Variants in RMND1 observed in about 807,000 individuals in gnomAD.
The protein encoded by RMND1 is required for meiotic nuclear division 1 homolog.
A neutral mutation model predicts 54.0 loss-of-function variants in RMND1; 41 were observed. That is an observed-to-expected ratio of 0.76 (90% CI 0.59 to 0.98). RMND1 has a LOEUF of 0.98. Among genes scored for constraint, RMND1 ranks in the 50% least tolerant of loss-of-function variants. The probability of loss-of-function intolerance (pLI) is 0.00; values close to 1 mark genes in which losing one functional copy is unlikely to be tolerated. For missense variants in RMND1, 457 were observed against 532.0 expected, an observed-to-expected ratio of 0.86 and a Z score of 1.39; for synonymous variants, 183 against 181.7, an observed-to-expected ratio of 1.01 and a Z score of -0.06.
intron 9 of RMND1, among the ~76,000 whole-genome samples, chr6:151,418,057 C>T (rs1780056962): frequency 6.6e-6 from 1 of 152,132 alleles, no homozygotes; most frequent in African/African-American, 2.4e-5. Flanking sequence ...CTGCCTACCT[C>T]AGCCTCCCAA....
chr6:151,408,484 T>C (rs146707463), intron 10 of RMND1, among the ~76,000 whole-genome samples: 3 of 152,178 alleles, frequency 2.0e-5, no homozygotes, highest in Non-Finnish European at 4.4e-5. Flanking sequence ...AAGAAGTTAG[T>C]ACCAGATTGT....
At chr6:151,436,328 A>T (rs564927191) in intron 3 of RMND1, 118 bp downstream of exon 3, 2 of 1,154,846 alleles carry the variant, frequency 1.7e-6, no homozygotes, top group South Asian at 3.0e-5. Context: ...ATCCACTTTT[A>T]TGATACAATC....
At chr6:151,423,709 A>T in intron 6 of RMND1, 78 bp from the exon 7 acceptor site, 1 of 945,120 alleles carries the variant, frequency 1.1e-6, no homozygotes, top group South Asian at 1.3e-5. Context: ...ACACCATATC[A>T]TCTTTCTGGA....
At chr6:151,436,999 C>A (rs1300790396) in intron 2 of RMND1, among the ~76,000 whole-genome samples, 1 of 152,186 alleles carries the variant, frequency 6.6e-6, no homozygotes, top group Non-Finnish European at 1.5e-5. Flanking sequence ...CAGGCAGATT[C>A]CTTTAAATCC....
intron 10 of RMND1, chr6:151,413,934 A>G (rs1234844328): frequency 6.6e-6 from 1 of 152,282 alleles, no homozygotes; most frequent in African/African-American, 2.4e-5. Context: ...TGCCAAGATC[A>G]GTGACAACTG....
At chr6:151,407,666 G>A (rs1290684654) in intron 10 of RMND1, among the ~76,000 whole-genome samples, 1 of 152,056 alleles carries the variant, frequency 6.6e-6, no homozygotes, top group African/African-American at 2.4e-5. Flanking sequence ...ACAACACTTC[G>A]GGAGGCTGGG....
Position 151,410,124 on chromosome 6 carries a change from C to A in RMND1, c.1201-4288G>T, listed in dbSNP as rs189389430. ...GGCTGGACTGCAGTGGCACAATCTCCGCTCACTGCAAGCTCTCCCTCCCGG... is the reference window on the plus strand; with the variant it reads ...GGCTGGACTGCAGTGGCACAATCTCAGCTCACTGCAAGCTCTCCCTCCCGG... On this transcript the variant is annotated intron_variant, in intron 10 of 11. Coordinates refer to ENST00000444024, the MANE Select transcript of RMND1 (RefSeq NM_017909.4). 6.6e-5 allele frequency among the ~76,000 whole-genome samples: 10 copies of A among 151,602 alleles called. No individual in the cohort carries two copies. In the South Asian group the frequency reaches 2.1e-3, roughly 32 times the overall value.
intron 2 of RMND1, among the ~76,000 whole-genome samples, chr6:151,442,815 T>C (rs1200497697): frequency 6.6e-6 from 1 of 151,702 alleles, no homozygotes; most frequent in East Asian, 2.0e-4. Context: ...ACTGAAATTA[T>C]AGGCATAAGC....
intron 2 of RMND1, among the ~76,000 whole-genome samples, chr6:151,439,496 T>A (rs564053875): frequency 6.6e-5 from 10 of 152,174 alleles, no homozygotes; most frequent in Non-Finnish European, 1.3e-4. Context: ...ACAAAATTAC[T>A]CCTAACCAAC....
chr6:151,432,831 G>A (rs1186441536), intron 4 of RMND1, among the ~76,000 whole-genome samples: 3 of 152,098 alleles, frequency 2.0e-5, no homozygotes, highest in African/African-American at 4.8e-5. Flanking sequence ...TGGGGCAGGA[G>A]TCTGACAAGG....
intron 5 of RMND1, among the ~76,000 whole-genome samples, chr6:151,428,803 C>T (rs143596304): frequency 3.9e-5 from 6 of 152,084 alleles, no homozygotes; most frequent in Admixed American, 2.0e-4. Context: ...CAAAGTGATA[C>T]GATTACAGGT....
At position 151,414,344 on chromosome 6, in the gene RMND1, T is replaced by C. The variant is rs906698486; in HGVS notation, c.1200+2935A>G. ...TGAATGTGGGGATTGGTAGGAAATA[T>C]GATTGAAAAACAGAAACAATAGGAA... On this transcript the variant is annotated intron_variant, in intron 10 of 11. Transcript: ENST00000444024. Among the ~76,000 whole-genome samples, 3 of 152,172 alleles carry C rather than the reference T, an allele frequency of 2.0e-5. No homozygotes were observed. The South Asian group carries it at 6.2e-4, about 31-fold the overall frequency.
At chr6:151,407,293 T>C (rs991690558) in intron 10 of RMND1, among the ~76,000 whole-genome samples, 1 of 152,054 alleles carries the variant, frequency 6.6e-6, no homozygotes, top group Non-Finnish European at 1.5e-5. Flanking sequence ...CTCTTCCCTC[T>C]TCCTTTCCCC....
intron 11 of RMND1, 128 bp downstream of exon 11, chr6:151,405,588 AGAGT>A (rs1779585772): frequency 1.1e-5 from 7 of 621,520 alleles, no homozygotes; most frequent in Admixed American, 2.8e-5. Context: ...ACTTCCAAAT[AGAGT>A]TAGTAATGAT....
intron 2 of RMND1, among the ~76,000 whole-genome samples, chr6:151,443,748 C>T (rs1780861111): frequency 6.6e-6 from 1 of 152,162 alleles, no homozygotes; most frequent in South Asian, 2.1e-4. Flanking sequence ...TAACTAACTC[C>T]TTAATTTCAG....
At position 151,437,448 on chromosome 6, in the gene RMND1, GA is replaced by G. The variant is rs1449990371; in HGVS notation, c.505-895del. 4.6e-5 allele frequency among the ~76,000 whole-genome samples: 7 copies of G among 152,294 alleles called. No homozygotes were observed. In the East Asian group the frequency reaches 1.2e-3, roughly 25 times the overall value. ...TGAAAGCTATTGGCATAAGAGTTAAGATTTTAGGCACAGAAGTTGGTTACAA... is the reference window on the plus strand; with the variant it reads ...TGAAAGCTATTGGCATAAGAGTTAAGTTTTAGGCACAGAAGTTGGTTACAA... On this transcript the variant is annotated intron_variant, in intron 2 of 11. Transcript: ENST00000444024.
intron 2 of RMND1, among the ~76,000 whole-genome samples, chr6:151,438,799 T>TA (rs1448109832): frequency 6.7e-6 from 1 of 149,374 alleles, no homozygotes; most frequent in Non-Finnish European, 1.5e-5. Context: ...GTACTACTTT[T>TA]TTTTTTTTTT....
intron 4 of RMND1, among the ~76,000 whole-genome samples, chr6:151,431,858 A>G (rs1283749658): frequency 6.6e-6 from 1 of 152,194 alleles, no homozygotes; most frequent in African/African-American, 2.4e-5. Context: ...AATTAATTTT[A>G]TCTTTTTAAA....
At chr6:151,451,389 T>C (rs1177054736) in intron 1 of RMND1, among the ~76,000 whole-genome samples, 1 of 152,092 alleles carries the variant, frequency 6.6e-6, no homozygotes, top group Non-Finnish European at 1.5e-5. Flanking sequence ...GAAAATAAAA[T>C]AGACAAAAAT....
Sources: allele counts gnomAD v4.1 joint callset (sites outside exome capture counted in the v4.1 genomes callset), GRCh38; gene constraint gnomAD v4.1.1; transcripts MANE v1.5; gene names NCBI Gene and HGNC (gene_info 2026-07-23, HGNC 2026-07-21).